The following PSMF1 variants were observed in gnomAD, a reference collection of about 807,000 sequenced individuals.
PSMF1 encodes proteasome inhibitor subunit 1.
In PSMF1, 30 loss-of-function variants were observed where a neutral mutation model predicts 29.3. The observed-to-expected ratio is 1.02, with a 90% CI of 0.77 to 1.39. The LOEUF (loss-of-function observed/expected upper bound fraction) is 1.39. Among genes scored for constraint, PSMF1 ranks in the 40% most tolerant of loss-of-function variants. The probability of loss-of-function intolerance (pLI) is 0.00; values close to 1 mark genes in which losing one functional copy is unlikely to be tolerated. For missense variants in PSMF1, 344 were observed against 357.5 expected (o/e 0.96, Z 0.31); for synonymous variants, 134 against 139.7 (o/e 0.96, Z 0.29).
At chr20:1,125,042 AATT>A (rs561046994) in intron 1 of PSMF1, among the ~76,000 whole-genome samples, 15 of 152,218 alleles carry the variant, frequency 9.9e-5, no homozygotes, top group Non-Finnish European at 1.8e-4. Context: ...TGTATTATGA[AATT>A]ATAATTTTTG....
intron 3 of PSMF1, among the ~76,000 whole-genome samples, chr20:1,128,825 G>A (rs749173240): frequency 3.6e-4 from 54 of 151,878 alleles, no homozygotes; most frequent in Non-Finnish European, 6.9e-4. Flanking sequence ...TCAGCTTCCC[G>A]AGTAACTGGG....
chr20:1,137,556 T>C (rs544469275), intron 4 of PSMF1, among the ~76,000 whole-genome samples: 1 of 152,240 alleles, frequency 6.6e-6, no homozygotes, highest in African/African-American at 2.4e-5. Flanking sequence ...CATCCAAAAT[T>C]GGAATATGGA....
chr20:1,137,401 T>C (rs1204540915), intron 4 of PSMF1, among the ~76,000 whole-genome samples: 1 of 152,188 alleles, frequency 6.6e-6, no homozygotes, highest in Admixed American at 6.5e-5. Flanking sequence ...CATTGGTTAA[T>C]CTTAACGCTA....
rs763184793 is a variant in PSMF1, at chr20:1,125,645, G to T, written c.277G>T (p.Val93Leu). 1 of 1,610,240 alleles carries T rather than the reference G, an allele frequency of 6.2e-7. No homozygotes were observed. The highest frequency in any genetic ancestry group is 2.2e-5 in the East Asian group (1 of 44,856). ...ITVESSMILN[V>L]LEYGSQQVAD... is the part of the protein sequence containing the mutation. ...CGTGGAGAGCAGCATGATCCTCAATGTGCTGGTGAGTCTCTGGGACACGTG... is the reference window on the plus strand; with the variant it reads ...CGTGGAGAGCAGCATGATCCTCAATTTGCTGGTGAGTCTCTGGGACACGTG... The change falls in exon 2 of 7, where the codon GTG becomes TTG. Residue 93 changes from valine (V) to leucine (L), a missense_variant. Coordinates refer to ENST00000335877, the MANE Select transcript of PSMF1 (RefSeq NM_006814.5).
intron 1 of PSMF1, among the ~76,000 whole-genome samples, chr20:1,120,435 A>G (rs2086072160): frequency 6.6e-6 from 1 of 152,132 alleles, no homozygotes; most frequent in East Asian, 1.9e-4. Flanking sequence ...TCTTCATTCC[A>G]CATACCTTCC....
chr20:1,130,576 G>A (rs2086215857), intron 3 of PSMF1, among the ~76,000 whole-genome samples: 2 of 152,206 alleles, frequency 1.3e-5, no homozygotes, highest in Admixed American at 1.3e-4. Flanking sequence ...TTAAACGTCA[G>A]TTCCTTAGAG....
rs138129472 is a variant in PSMF1, at chr20:1,150,353, G to T, written c.552-12777G>T. ...GAGTGGTAAGGGAGGGTGCAATAAC[G>T]GCCAGGTTAGTGCTGCTGCTTTGAG... On this transcript the variant is annotated intron_variant, in intron 4 of 6. Coordinates refer to ENST00000335877, the MANE Select transcript of PSMF1 (RefSeq NM_006814.5). Among the ~76,000 whole-genome samples the T allele has an allele frequency of 3.0e-3, 463 of 152,166 alleles. 1 individual carries two copies. Among genetic ancestry groups the T allele is most frequent in the East Asian group, 0.026 (133 of 5,168 alleles).
At chr20:1,113,891 C>T (rs1190296416), upstream of PSMF1, among the ~76,000 whole-genome samples, 1 of 151,984 alleles carries the variant, frequency 6.6e-6, no homozygotes, top group Non-Finnish European at 1.5e-5. Flanking sequence ...CGGGGTTTCA[C>T]TGTGTTAGCC....
In PSMF1 at chr20:1,165,757, A is replaced by T. The variant is rs1215759698; in HGVS notation, c.*677A>T. On this transcript the variant is annotated 3_prime_UTR_variant, in exon 7 of 7. Coordinates refer to ENST00000335877, the MANE Select transcript of PSMF1 (RefSeq NM_006814.5). ...AAGACTGCATCATTCTGATGAGGCA[A>T]AATCCTCCAGCTATTCCTGTCTGGG... 2.9e-6 allele frequency: 3 copies of T among 1,020,180 alleles called. No individual in the cohort carries two copies. Among genetic ancestry groups the T allele is most frequent in the Non-Finnish European group, 2.4e-6 (2 of 849,908 alleles). The allele number at this position is 1,020,180 out of a possible 1,614,324, so 63.2% of individuals were successfully genotyped here. A position where few individuals can be genotyped will look rare whatever the true frequency, so the allele number is the denominator to read the frequency against.
At chr20:1,136,963 A>G (rs898831587) in intron 4 of PSMF1, among the ~76,000 whole-genome samples, 5 of 152,254 alleles carry the variant, frequency 3.3e-5, no homozygotes, top group Admixed American at 6.5e-5. Context: ...TTACATTCAG[A>G]TAATTTATTT....
At chr20:1,130,601 C>T (rs2086216064) in intron 3 of PSMF1, among the ~76,000 whole-genome samples, 1 of 152,152 alleles carries the variant, frequency 6.6e-6, no homozygotes, top group African/African-American at 2.4e-5. Flanking sequence ...TTCCTCTGGC[C>T]CCCAGGCTTA....
At position 1,163,217 on chromosome 20, in the gene PSMF1, C is replaced by T. The variant is rs779257778; in HGVS notation, c.605+34C>T. ...TGCTGGGGAGGTGGCAGCAACACAA[C>T]TTGCTTTTGTGGCTTTTCAGCCCCA... On this transcript the variant is annotated intron_variant, in intron 5 of 6. Coordinates refer to ENST00000335877, the MANE Select transcript of PSMF1 (RefSeq NM_006814.5). This position sits in a 1 kb window ranked among gnomAD's most constrained non-coding sequence, Gnocchi z 6.1. The T allele has an allele frequency of 1.9e-6, 3 of 1,610,518 alleles. No homozygotes were observed. In the East Asian group the frequency reaches 6.7e-5, roughly 36 times the overall value.
At chr20:1,143,549 T>C (rs2086409995) in intron 4 of PSMF1, among the ~76,000 whole-genome samples, 1 of 152,106 alleles carries the variant, frequency 6.6e-6, no homozygotes, top group African/African-American at 2.4e-5. Flanking sequence ...CAAGAGGAAA[T>C]CTTCAGTGTC....
intron 3 of PSMF1, among the ~76,000 whole-genome samples, chr20:1,133,569 A>ATATATATATATATATATATTTTT: frequency 8.6e-4 from 46 of 53,282 alleles, no homozygotes; most frequent in South Asian, 2.7e-3. Flanking sequence ...ATATATATAT[A>ATATATATATATATATATATTTTT]TTTTTTTTTT....
chr20:1,159,502 C>T (rs2086639635), intron 4 of PSMF1, among the ~76,000 whole-genome samples: 1 of 152,236 alleles, frequency 6.6e-6, no homozygotes, highest in African/African-American at 2.4e-5. Flanking sequence ...CTTGTTTCTT[C>T]TCTCTTCCCC....
Position 1,169,317 on chromosome 20 carries a change from CAAT to C in PSMF1, c.*4238_*4240del, listed in dbSNP as rs1290920056. 1.3e-5 allele frequency among the ~76,000 whole-genome samples: 2 copies of C among 152,138 alleles called. No individual in the cohort carries two copies. The highest frequency in any genetic ancestry group is 4.8e-5 in the African/African-American group (2 of 41,426). ...AGCTGACTGAGGACAGACCCAGCAA[CAAT>C]GACAGGAGGTTTGAACACCTCACGA... On this transcript the variant is annotated 3_prime_UTR_variant, in exon 7 of 7. Coordinates refer to ENST00000335877, the MANE Select transcript of PSMF1 (RefSeq NM_006814.5).
At chr20:1,127,637 A>C (rs1287520352) in intron 3 of PSMF1, 129 bp downstream of exon 3, 2 of 745,334 alleles carry the variant, frequency 2.7e-6, no homozygotes. Context: ...TCTGGGCACA[A>C]CTTCCTAATT....
chr20:1,161,077 G>C (rs190574261), intron 4 of PSMF1: 162 of 479,944 alleles, frequency 3.4e-4, no homozygotes, highest in Middle Eastern at 2.1e-3. Context: ...CCATCTACAA[G>C]GGCTATGCCC....
chr20:1,124,437 G>A (rs190174854), intron 1 of PSMF1, among the ~76,000 whole-genome samples: 3 of 151,654 alleles, frequency 2.0e-5, no homozygotes, highest in Non-Finnish European at 2.9e-5. Flanking sequence ...CCAACTACAC[G>A]GAGCAACAGG....
Sources: gnomAD v4.1 joint callset for allele counts (sites outside exome capture counted in the v4.1 genomes callset) on GRCh38, gnomAD v4.1.1 for gene constraint, Gnocchi (gnomAD v3.1) non-coding constraint, MANE v1.5 for transcripts, NCBI Gene and HGNC (gene_info 2026-07-23, HGNC 2026-07-21) for gene names.